Variants in ANAPC1 observed in about 807,000 individuals in gnomAD.
ANAPC1 encodes anaphase-promoting complex subunit 1.
In ANAPC1, 36 loss-of-function variants were observed where a neutral mutation model predicts 208.0. The ratio of observed to expected loss-of-function variants is 0.17; its 90% CI spans 0.13 to 0.23. The LOEUF is 0.23. Ranked by LOEUF, ANAPC1 falls within the 10% of genes least tolerant of loss-of-function variation. The probability of loss-of-function intolerance (pLI) is 1.00; values close to 1 mark genes in which losing one functional copy is unlikely to be tolerated. For missense variants in ANAPC1, 942 were observed against 2,011.6 expected (o/e 0.47, Z 10.17); for synonymous variants, 378 against 695.2 (o/e 0.54, Z 7.18).
chr2:111,865,007 A>C, intron 7 of ANAPC1, 56 bp from the exon 8 acceptor site: 2 of 1,526,746 alleles, frequency 1.3e-6, no homozygotes, highest in Non-Finnish European at 1.8e-6. Context: ...CAAGACTGAT[A>C]TTTATGAACA....
intron 11 of ANAPC1, among the ~76,000 whole-genome samples, chr2:111,857,761 C>T (rs759735439): frequency 5.9e-5 from 9 of 152,122 alleles, no homozygotes; most frequent in Non-Finnish European, 1.3e-4. Flanking sequence ...TTCATATGGT[C>T]ATAATTCTCA....
intron 21 of ANAPC1, among the ~76,000 whole-genome samples, chr2:111,829,827 T>TG (rs1458020729): frequency 6.6e-6 from 1 of 152,082 alleles, no homozygotes; most frequent in Non-Finnish European, 1.5e-5. Flanking sequence ...CCCAGCACTT[T>TG]GGGAGGCTGA....
chr2:111,813,882 A>G (rs200754812), intron 28 of ANAPC1, among the ~76,000 whole-genome samples: 23,675 of 150,728 alleles, frequency 0.16, 1,904 homozygotes, highest in Admixed American at 0.19. Flanking sequence ...GTTTGCATTC[A>G]GGGATCCCTC....
chr2:111,781,629 G>A (rs1329845639), intron 43 of ANAPC1, among the ~76,000 whole-genome samples: 1 of 152,242 alleles, frequency 6.6e-6, no homozygotes, highest in South Asian at 2.1e-4. Context: ...TATTCCTTAG[G>A]GTCCTAACTA....
chr2:111,864,901 T>G lies in ANAPC1; in HGVS notation c.736A>C (p.Ile246Leu). Residue 246 changes from isoleucine to leucine, a missense_variant, in exon 8 of 48, where the codon ATT (isoleucine) becomes CTT (leucine). Transcript: ENST00000341068. ...VQYVVDHAMK[I>L]VFLNTDPSIV... Reference sequence around the variant, plus strand: ...GAGGGGTCAGTATTGAGGAAAACAATTTTCATTGCATGATCTACAACATAT... The same window carrying G: ...GAGGGGTCAGTATTGAGGAAAACAAGTTTCATTGCATGATCTACAACATAT... 1 of 1,611,642 alleles carries G rather than the reference T, an allele frequency of 6.2e-7. No homozygotes were observed. Among genetic ancestry groups the G allele is most frequent in the Middle Eastern group, 2.3e-4 (1 of 4,430 alleles).
At chr2:111,882,924 T>G (rs1683388729) in intron 1 of ANAPC1, among the ~76,000 whole-genome samples, 1 of 151,804 alleles carries the variant, frequency 6.6e-6, no homozygotes, top group Non-Finnish European at 1.5e-5. Flanking sequence ...TCCCAGCACT[T>G]TGGGTGGCCG....
intron 34 of ANAPC1, among the ~76,000 whole-genome samples, chr2:111,796,132 C>T (rs562051833): frequency 1.1e-4 from 17 of 151,640 alleles, no homozygotes; most frequent in South Asian, 2.1e-4. Flanking sequence ...GGCTGAGGCA[C>T]GAGAATCACT....
intron 1 of ANAPC1, among the ~76,000 whole-genome samples, chr2:111,882,976 G>A (rs1683392640): frequency 6.6e-6 from 1 of 151,754 alleles, no homozygotes; most frequent in Admixed American, 6.6e-5. Flanking sequence ...GATCAGCCTG[G>A]CCAAGATGGT....
chr2:111,831,244 T>G, intron 21 of ANAPC1, 42 bp downstream of exon 21: 1 of 1,549,960 alleles, frequency 6.5e-7, no homozygotes, highest in South Asian at 1.2e-5. Flanking sequence ...AACTAAATTT[T>G]AAAAGAAAAA....
intron 10 of ANAPC1, among the ~76,000 whole-genome samples, chr2:111,861,266 G>A (rs941483619): frequency 6.6e-6 from 1 of 152,114 alleles, no homozygotes; most frequent in Non-Finnish European, 1.5e-5. Context: ...AGTAGACATG[G>A]GGTTTCACCA....
At chr2:111,852,584 G>A (rs1160792537) in intron 13 of ANAPC1, among the ~76,000 whole-genome samples, 1 of 152,008 alleles carries the variant, frequency 6.6e-6, no homozygotes, top group Non-Finnish European at 1.5e-5. Context: ...AGATGCTGAG[G>A]ATTTTTTTTA....
intron 24 of ANAPC1, among the ~76,000 whole-genome samples, chr2:111,823,506 A>G (rs541022878): frequency 6.6e-6 from 1 of 152,254 alleles, no homozygotes; most frequent in East Asian, 1.9e-4. Context: ...ATGGAAAAAA[A>G]AAAAGAGATG....
At chr2:111,850,157 AC>A (rs1180083595) in intron 14 of ANAPC1, among the ~76,000 whole-genome samples, 2 of 151,892 alleles carry the variant, frequency 1.3e-5, no homozygotes, top group Non-Finnish European at 2.9e-5. Context: ...ATCCTGCCTC[AC>A]CCTACAGACT....
chr2:111,777,867 T>C (rs1316851770), intron 45 of ANAPC1, among the ~76,000 whole-genome samples: 1 of 152,096 alleles, frequency 6.6e-6, no homozygotes, highest in East Asian at 1.9e-4. Context: ...TCTTAGACAC[T>C]GAGTCTCAGA....
At chr2:111,826,330 A>G (rs1028177934) in intron 21 of ANAPC1, among the ~76,000 whole-genome samples, 2 of 152,180 alleles carry the variant, frequency 1.3e-5, no homozygotes, top group Non-Finnish European at 2.9e-5. Flanking sequence ...ATCACACCAA[A>G]AAGTTCCCTT....
chr2:111,817,859 A>G (rs1477520664), intron 27 of ANAPC1, among the ~76,000 whole-genome samples: 1 of 110,892 alleles, frequency 9.0e-6, no homozygotes, highest in Non-Finnish European at 2.0e-5. Flanking sequence ...AATTTCAACT[A>G]TGTAATTGTC....
At chr2:111,863,949 A>C in intron 8 of ANAPC1, 54 bp from the exon 9 acceptor site, 1 of 1,508,690 alleles carries the variant, frequency 6.6e-7, no homozygotes, top group Non-Finnish European at 8.8e-7. Context: ...AATTAGAATA[A>C]AGTAGCAATT....
Position 111,788,239 on chromosome 2 carries a change from G to T in ANAPC1, c.4794C>A (p.Asp1598Glu). 3 of 1,612,224 alleles carry T rather than the reference G, an allele frequency of 1.9e-6. No individual in the cohort carries two copies. The highest frequency in any genetic ancestry group is 2.2e-5 in the South Asian group (2 of 91,026). Reference sequence around the variant, plus strand: ...GACAGAATCACTAGACTCACCGGTTGTCAGTGCTGTGAGCTGGGAAGTGCG... The same window carrying T: ...GACAGAATCACTAGACTCACCGGTTTTCAGTGCTGTGAGCTGGGAAGTGCG... The part of the protein sequence containing the change: ...LYPHFPAHST[D>E]NRYHLQALRH... Residue 1598 changes from aspartate to glutamate, a missense_variant, in exon 39 of 48, where the codon GAC (aspartate) becomes GAA (glutamate). Coordinates refer to ENST00000341068, the MANE Select transcript of ANAPC1 (RefSeq NM_022662.4).
At chr2:111,835,556 G>A (rs1255244862) in intron 18 of ANAPC1, among the ~76,000 whole-genome samples, 2 of 152,090 alleles carry the variant, frequency 1.3e-5, no homozygotes, top group Non-Finnish European at 2.9e-5. Context: ...AGAAAAAACT[G>A]GGCCGGGTGC....
Sources: allele counts gnomAD v4.1 joint callset (sites outside exome capture counted in the v4.1 genomes callset), GRCh38; gene constraint gnomAD v4.1.1; transcripts MANE v1.5; gene names NCBI Gene and HGNC (gene_info 2026-07-23, HGNC 2026-07-21).